ACSM2B: variants seen among roughly 807,000 people sequenced by gnomAD.
ACSM2B encodes the protein acyl-coenzyme A synthetase ACSM2B, mitochondrial.
Under a neutral mutation model 78.6 loss-of-function variants are expected in ACSM2B, and 58 were observed. The observed-to-expected ratio is 0.74, with a 90% CI of 0.60 to 0.92. ACSM2B has a LOEUF of 0.92. ACSM2B is among the 40% of genes least tolerant of loss of function. The pLI is 0.00. For missense variants in ACSM2B, 688 were observed against 711.2 expected, an observed-to-expected ratio of 0.97 and a Z score of 0.37; for synonymous variants, 257 against 256.8, an observed-to-expected ratio of 1.00 and a Z score of -0.01.
At chr16:20,568,501 T>G (rs1234463134) in intron 1 of ACSM2B, among the ~76,000 whole-genome samples, 1 of 150,984 alleles carries the variant, frequency 6.6e-6, no homozygotes, top group African/African-American at 2.4e-5. Context: ...TCCATATTCC[T>G]GTAATTGCAA....
intron 10 of ACSM2B, chr16:20,544,734 G>C (rs2015087179): frequency 1.0e-6 from 1 of 985,874 alleles, no homozygotes; most frequent in Admixed American, 6.1e-5. Flanking sequence ...TGAAGATAGG[G>C]ATTCCTCCAA....
chr16:20,557,371 C>T (rs1400813368), intron 3 of ACSM2B, among the ~76,000 whole-genome samples: 1 of 151,884 alleles, frequency 6.6e-6, no homozygotes, highest in Non-Finnish European at 1.5e-5. Context: ...TCTCTCTCTC[C>T]CTCGCATCTT....
intron 13 of ACSM2B, among the ~76,000 whole-genome samples, chr16:20,540,180 T>A (rs1376919305): frequency 2.0e-5 from 3 of 152,238 alleles, no homozygotes; most frequent in East Asian, 3.9e-4. Flanking sequence ...TGCTAGATTG[T>A]CTTTCTGGGC....
chr16:20,548,485 G>C lies in ACSM2B; in HGVS notation c.895-12C>G. 1 of 1,613,522 alleles carries C rather than the reference G, an allele frequency of 6.2e-7. No homozygotes were observed. The highest frequency in any genetic ancestry group is 2.2e-5 in the East Asian group (1 of 44,870). The stretch of plus-strand genomic sequence containing the variant: ...TAACTGGAGAGTGTCTGGAAGACAA[G>C]AGCCAGGTGAGACATTGGTCACCAG... On this transcript the variant is annotated splice_polypyrimidine_tract_variant and intron_variant, in intron 6 of 13. Coordinates refer to ENST00000329697, the MANE Select transcript of ACSM2B (RefSeq NM_001105069.2).
chr16:20,566,645 C>CTA, intron 1 of ACSM2B, among the ~76,000 whole-genome samples: 1 of 11,604 alleles, frequency 8.6e-5, no homozygotes, highest in Non-Finnish European at 1.4e-4. Context: ...TATATATATA[C>CTA]TATACTATAT....
rs757433792 is a variant in ACSM2B at position 20,542,986 on chromosome 16, C to T, written c.1437G>A (p.Glu479=). ...CAGCAGGGTGCTTCATCAGTGCATT[C>T]TCTACCTCCGAGGGTCCAATCCGGT... ...SGYRIGPSEV[E]NALMKHPAVV... Residue 479 remains glutamate, a synonymous_variant, in exon 12 of 14, where the codon GAG becomes GAA. Transcript: ENST00000329697. 185 of 1,613,548 alleles carry T rather than the reference C, an allele frequency of 1.1e-4. No homozygotes were observed. Among genetic ancestry groups the T allele is most frequent in the Admixed American group, 2.7e-4 (16 of 59,980 alleles).
intron 3 of ACSM2B, among the ~76,000 whole-genome samples, chr16:20,556,327 C>T (rs1475743314): frequency 6.6e-6 from 1 of 152,204 alleles, no homozygotes; most frequent in African/African-American, 2.4e-5. Flanking sequence ...TAGGGCCAGG[C>T]ATGGTGGCTC....
chr16:20,559,682 A>G (rs1390438694), intron 2 of ACSM2B, among the ~76,000 whole-genome samples: 5 of 150,602 alleles, frequency 3.3e-5, no homozygotes, highest in African/African-American at 1.3e-4. Flanking sequence ...ATGCTTTTAG[A>G]AATAACTGTA....
chr16:20,540,784 GA>G lies in ACSM2B; in HGVS notation c.1510-12del, dbSNP rs776257269. 1 of 1,613,254 alleles carries G rather than the reference GA, an allele frequency of 6.2e-7. No homozygotes were observed. Among genetic ancestry groups the G allele is most frequent in the Non-Finnish European group, 8.5e-7 (1 of 1,179,474 alleles). Reference sequence around the variant, plus strand: ...AAATGCCTTCACCACCTGCAAAATAGATGAAGGCCAAGAGATAAGGGATTAG... The same window carrying G: ...AAATGCCTTCACCACCTGCAAAATAGTGAAGGCCAAGAGATAAGGGATTAG... On this transcript the variant is annotated splice_polypyrimidine_tract_variant and intron_variant, in intron 12 of 13. Coordinates refer to ENST00000329697, the MANE Select transcript of ACSM2B (RefSeq NM_001105069.2).
At chr16:20,557,338 C>A (rs2152140453) in intron 3 of ACSM2B, among the ~76,000 whole-genome samples, 1 of 152,162 alleles carries the variant, frequency 6.6e-6, no homozygotes, top group South Asian at 2.1e-4. Context: ...AGACAGCACC[C>A]ACTTGCTGAA....
chr16:20,556,376 C>A (rs2015475254), intron 3 of ACSM2B, among the ~76,000 whole-genome samples: 1 of 152,124 alleles, frequency 6.6e-6, no homozygotes, highest in African/African-American at 2.4e-5. Flanking sequence ...CCAAGGAGGG[C>A]AGACTATTAG....
chr16:20,567,892 T>A (rs1015520962), intron 1 of ACSM2B, among the ~76,000 whole-genome samples: 1 of 142,826 alleles, frequency 7.0e-6, no homozygotes, highest in African/African-American at 2.5e-5. Flanking sequence ...TATTATATAG[T>A]GTGGCTATAT....
rs546521358 is a variant in ACSM2B at position 20,560,899 on chromosome 16, G to A, written c.178-1452C>T. On this transcript the variant is annotated intron_variant, in intron 2 of 13. Transcript: ENST00000329697. ...GGAACTTTTCGGGAACTGAAGCAAA[G>A]GTCCTCCTTCCTATATTTTAGCAAA... 7.3e-4 allele frequency among the ~76,000 whole-genome samples: 111 copies of A among 152,152 alleles called. 1 individual carries two copies. Among genetic ancestry groups the A allele is most frequent in the African/African-American group, 2.6e-3 (107 of 41,552 alleles).
chr16:20,549,311 G>T (rs2015234139), intron 6 of ACSM2B, among the ~76,000 whole-genome samples: 1 of 151,980 alleles, frequency 6.6e-6, no homozygotes, highest in Admixed American at 6.6e-5. Flanking sequence ...TTTATTTCTT[G>T]CAGTTCTAGG....
At chr16:20,546,676 A>T in intron 8 of ACSM2B, 3 of 933,512 alleles carry the variant, frequency 3.2e-6, no homozygotes, top group Non-Finnish European at 2.9e-6. Flanking sequence ...TTTGTTCAGG[A>T]AGCAACCCAT....
intron 12 of ACSM2B, 81 bp downstream of exon 12, chr16:20,542,833 C>T: frequency 1.9e-6 from 3 of 1,558,684 alleles, no homozygotes; most frequent in East Asian, 2.3e-5. Flanking sequence ...TTCAGCCCCA[C>T]AGTCCCTGTT....
chr16:20,558,255 G>C (rs1413500521), intron 3 of ACSM2B, among the ~76,000 whole-genome samples: 2 of 151,852 alleles, frequency 1.3e-5, no homozygotes, highest in African/African-American at 4.8e-5. Context: ...AACCAGTTCT[G>C]TGATCTCTGA....
intron 1 of ACSM2B, among the ~76,000 whole-genome samples, chr16:20,569,072 G>C (rs1388892771): frequency 6.6e-6 from 1 of 151,760 alleles, no homozygotes; most frequent in African/African-American, 2.4e-5. Context: ...GTTTACTTAA[G>C]TCCCATCTAT....
intron 2 of ACSM2B, among the ~76,000 whole-genome samples, chr16:20,560,438 G>T (rs1164230265): frequency 6.6e-6 from 1 of 151,924 alleles, no homozygotes; most frequent in Non-Finnish European, 1.5e-5. Flanking sequence ...CTCACTCTCT[G>T]TTTTGCTCCT....
Sources: gnomAD v4.1 joint callset for allele counts (sites outside exome capture counted in the v4.1 genomes callset) on GRCh38, gnomAD v4.1.1 for gene constraint, MANE v1.5 for transcripts, NCBI Gene and HGNC (gene_info 2026-07-23, HGNC 2026-07-21) for gene names.